The following NCAM2 variants were observed in gnomAD, a reference collection of about 807,000 sequenced individuals.
NCAM2 encodes neural cell adhesion molecule 2.
NCAM2 carries 30 observed loss-of-function variants against 98.1 expected under a neutral mutation model. The ratio of observed to expected loss-of-function variants is 0.31; its 90% CI spans 0.23 to 0.41. The LOEUF is 0.41. Ranked by LOEUF, NCAM2 falls within the 10% of genes least tolerant of loss-of-function variation. The pLI is 1.00. For synonymous variants in NCAM2, 368 were observed against 342.4 expected (o/e 1.07, Z -0.83); for missense variants, 867 against 1,005.8 (o/e 0.86, Z 1.87).
intron 1 of NCAM2, among the ~76,000 whole-genome samples, chr21:21,096,410 A>G (rs1386207508): frequency 6.6e-6 from 1 of 151,758 alleles, no homozygotes; most frequent in Non-Finnish European, 1.5e-5. Flanking sequence ...GAAAACTTAC[A>G]ATTGTTCTGT....
chr21:21,233,814 G>T (rs988049535), intron 1 of NCAM2, among the ~76,000 whole-genome samples: 10 of 151,660 alleles, frequency 6.6e-5, no homozygotes, highest in African/African-American at 2.4e-4. Context: ...TGCTATCTAA[G>T]AATATCAATA....
intron 1 of NCAM2, among the ~76,000 whole-genome samples, chr21:21,072,751 T>G (rs1236985377): frequency 6.6e-6 from 1 of 152,154 alleles, no homozygotes; most frequent in East Asian, 1.9e-4. Context: ...TTCTGACTTC[T>G]ATTTAATTTT....
At chr21:21,404,860 T>G (rs1040252164) in intron 9 of NCAM2, among the ~76,000 whole-genome samples, 13 of 151,546 alleles carry the variant, frequency 8.6e-5, no homozygotes, top group African/African-American at 2.4e-4. Flanking sequence ...GAAGTGAAAG[T>G]AAAGTTGCTT....
chr21:21,302,897 G>A (rs956113100), intron 5 of NCAM2, among the ~76,000 whole-genome samples: 3 of 152,148 alleles, frequency 2.0e-5, no homozygotes, highest in Middle Eastern at 3.4e-3. Context: ...TATTACATAT[G>A]CAACATGAAA....
intron 5 of NCAM2, among the ~76,000 whole-genome samples, chr21:21,313,156 C>G (rs2074110183): frequency 2.6e-5 from 4 of 151,682 alleles, no homozygotes; most frequent in Admixed American, 2.6e-4. Context: ...TCATTGTATT[C>G]TTATTCCAAA....
At chr21:21,064,750 T>C (rs557832011) in intron 1 of NCAM2, among the ~76,000 whole-genome samples, 65 of 152,362 alleles carry the variant, frequency 4.3e-4, no homozygotes, top group African/African-American at 1.5e-3. Context: ...AAATGGGTTT[T>C]AGCTTATTAT....
chr21:21,148,260 AT>A (rs2067345552), intron 1 of NCAM2, among the ~76,000 whole-genome samples: 2 of 152,332 alleles, frequency 1.3e-5, no homozygotes, highest in South Asian at 2.1e-4. Context: ...AAAATTAATC[AT>A]CACAGAGGAT....
intron 1 of NCAM2, among the ~76,000 whole-genome samples, chr21:21,148,618 C>T (rs941461125): frequency 5.3e-5 from 8 of 152,132 alleles, no homozygotes; most frequent in Non-Finnish European, 8.8e-5. Context: ...AGATAAGAAT[C>T]CTAGGCCTGA....
intron 5 of NCAM2, among the ~76,000 whole-genome samples, chr21:21,323,498 T>A (rs1476385243): frequency 6.6e-6 from 1 of 152,138 alleles, no homozygotes; most frequent in Middle Eastern, 3.2e-3. Flanking sequence ...GTAAAAAATA[T>A]TAATATACTT....
chr21:21,211,763 A>C (rs549604268), intron 1 of NCAM2, among the ~76,000 whole-genome samples: 1 of 152,268 alleles, frequency 6.6e-6, no homozygotes, highest in African/African-American at 2.4e-5. Context: ...CTCATGGAAT[A>C]TTAACTTCCT....
At chr21:21,493,527 T>C (rs1194436677) in intron 15 of NCAM2, among the ~76,000 whole-genome samples, 1 of 151,954 alleles carries the variant, frequency 6.6e-6, no homozygotes, top group Non-Finnish European at 1.5e-5. Context: ...TTTGTTACAC[T>C]TGATGAACCC....
At chr21:21,288,028 G>A (rs956799392) in intron 4 of NCAM2, among the ~76,000 whole-genome samples, 1 of 151,774 alleles carries the variant, frequency 6.6e-6, no homozygotes, top group Admixed American at 6.6e-5. Flanking sequence ...ATAAGCCGAT[G>A]CCAAAGTCTC....
intron 8 of NCAM2, among the ~76,000 whole-genome samples, chr21:21,371,838 G>A (rs2075921905): frequency 6.6e-6 from 1 of 150,784 alleles, no homozygotes; most frequent in Non-Finnish European, 1.5e-5. Context: ...GCAGTGCCTG[G>A]TTGCTTATTG....
chr21:21,150,936 A>G (rs1449413059), intron 1 of NCAM2, among the ~76,000 whole-genome samples: 1 of 151,232 alleles, frequency 6.6e-6, no homozygotes, highest in African/African-American at 2.4e-5. Context: ...TTTATGGGCT[A>G]TGTCATCTTG....
intron 1 of NCAM2, among the ~76,000 whole-genome samples, chr21:21,111,042 T>C (rs1408546421): frequency 6.6e-6 from 1 of 152,142 alleles, no homozygotes; most frequent in Non-Finnish European, 1.5e-5. Context: ...CTATTTTTGT[T>C]AAAAAGGCAA....
chr21:21,135,077 T>G (rs1025453319), intron 1 of NCAM2, among the ~76,000 whole-genome samples: 1 of 49,590 alleles, frequency 2.0e-5, no homozygotes, highest in Admixed American at 2.0e-4. Flanking sequence ...CTACTAAAAA[T>G]ACAAAAAAAA....
chr21:21,228,309 A>C (rs2070472754), intron 1 of NCAM2, among the ~76,000 whole-genome samples: 1 of 151,586 alleles, frequency 6.6e-6, no homozygotes, highest in African/African-American at 2.4e-5. Flanking sequence ...CAATTTATTA[A>C]ATTTAGGAAA....
intron 1 of NCAM2, among the ~76,000 whole-genome samples, chr21:21,200,978 A>AT: frequency 6.6e-6 from 1 of 152,194 alleles, no homozygotes; most frequent in Non-Finnish European, 1.5e-5. Context: ...ATGAGTGGAT[A>AT]ATTGGAGAAT....
chr21:21,521,569 A>C (rs1989018642), intron 16 of NCAM2, among the ~76,000 whole-genome samples: 1 of 152,212 alleles, frequency 6.6e-6, no homozygotes, highest in Non-Finnish European at 1.5e-5. Flanking sequence ...TGTGCAATGT[A>C]TGCAAGCACA....
Sources: allele counts gnomAD v4.1 joint callset (sites outside exome capture counted in the v4.1 genomes callset), GRCh38; gene constraint gnomAD v4.1.1; transcripts MANE v1.5; gene names NCBI Gene and HGNC (gene_info 2026-07-23, HGNC 2026-07-21).